The following ZNF644 variants were observed in gnomAD, a reference collection of about 807,000 sequenced individuals.
ZNF644 encodes the protein zinc finger motif enhancer binding protein 2.
A neutral mutation model predicts 108.0 loss-of-function variants in ZNF644; 20 were observed. That is an observed-to-expected ratio of 0.19 (90% CI 0.13 to 0.27). The LOEUF (loss-of-function observed/expected upper bound fraction) is 0.27, where lower values mean the gene tolerates loss of function less well. ZNF644 is among the 10% of genes least tolerant of loss of function. The probability of loss-of-function intolerance (pLI) is 1.00; values close to 1 mark genes in which losing one functional copy is unlikely to be tolerated. For synonymous variants in ZNF644, 542 were observed against 539.1 expected, an observed-to-expected ratio of 1.01 and a Z score of -0.08; for missense variants, 1,338 against 1,548.9, an observed-to-expected ratio of 0.86 and a Z score of 2.29.
chr1:90,984,224 T>A (rs1450132031), intron 1 of ZNF644, among the ~76,000 whole-genome samples: 1 of 152,104 alleles, frequency 6.6e-6, no homozygotes, highest in African/African-American at 2.4e-5. Flanking sequence ...CACAGGAAAT[T>A]AATACACTGA....
Position 90,939,705 on chromosome 1 carries a change from G to A in ZNF644, c.1649C>T (p.Ala550Val). ...LECHRGIAHG[A>V]VVKCPMVTSD... ...AGTGACCATAGGGCATTTTACCACT[G>A]CCCCATGTGCAATGCCTCGATGGCA... Residue 550 changes from alanine (A) to valine (V), a missense_variant, in exon 3 of 6, where the codon GCA becomes GTA. By Grantham distance (64) the Ala-to-Val change is moderately conservative. Coordinates refer to ENST00000337393, the MANE Select transcript of ZNF644 (RefSeq NM_201269.3). 1 of 1,613,960 alleles carries A rather than the reference G, an allele frequency of 6.2e-7. No homozygotes were observed. The highest frequency in any genetic ancestry group is 8.5e-7 in the Non-Finnish European group (1 of 1,179,934).
At chr1:91,017,610 G>A (rs972963506) in intron 1 of ZNF644, among the ~76,000 whole-genome samples, 4 of 152,140 alleles carry the variant, frequency 2.6e-5, no homozygotes, top group African/African-American at 4.8e-5. Context: ...GAAATTAAAA[G>A]AATAAAAATA....
At chr1:90,971,446 AG>A (rs1655468829) in intron 2 of ZNF644, among the ~76,000 whole-genome samples, 1 of 152,054 alleles carries the variant, frequency 6.6e-6, no homozygotes, top group Admixed American at 6.6e-5. Flanking sequence ...GGGGGGACAG[AG>A]TCTCACTATG....
At chr1:90,995,663 A>C (rs1658080240) in intron 1 of ZNF644, among the ~76,000 whole-genome samples, 1 of 152,220 alleles carries the variant, frequency 6.6e-6, no homozygotes, top group African/African-American at 2.4e-5. Flanking sequence ...ACATATCAAA[A>C]ACAACAATAC....
chr1:90,950,308 A>AGAGGAGGG (rs1557588325), intron 2 of ZNF644, among the ~76,000 whole-genome samples: 1 of 78,786 alleles, frequency 1.3e-5, no homozygotes, highest in Admixed American at 1.2e-4. Context: ...AGGGGAGGGG[A>AGAGGAGGG]CAAAAGAAAA....
intron 1 of ZNF644, among the ~76,000 whole-genome samples, chr1:91,009,501 T>C (rs1487405835): frequency 1.3e-5 from 2 of 152,186 alleles, no homozygotes; most frequent in African/African-American, 4.8e-5. Context: ...TATTCCCAAA[T>C]GTTCCTAAAT....
At chr1:90,931,649 C>A (rs1002508817) in intron 4 of ZNF644, among the ~76,000 whole-genome samples, 2 of 152,050 alleles carry the variant, frequency 1.3e-5, no homozygotes, top group Non-Finnish European at 2.9e-5. Flanking sequence ...TGAAATTATT[C>A]TTTTATGACA....
intron 4 of ZNF644, among the ~76,000 whole-genome samples, chr1:90,926,490 T>G (rs1650051541): frequency 6.6e-6 from 1 of 152,202 alleles, no homozygotes; most frequent in Non-Finnish European, 1.5e-5. Context: ...GCTTCAAGCT[T>G]CCTAAGAAAT....
rs1660987676 is a variant in ZNF644 at position 91,022,025 on chromosome 1, T to A, written c.-53A>T. ...CGTGTGCGTCAAACCGGGGCGACGT[T>A]GGGAGCACGCGGCGTCCCCGCGTCA... On this transcript the variant is annotated 5_prime_UTR_variant, in exon 1 of 6. Transcript: ENST00000337393. 1 of 398,660 alleles carries A rather than the reference T, an allele frequency of 2.5e-6. No individual in the cohort carries two copies. Among genetic ancestry groups the A allele is most frequent in the South Asian group, 1.3e-4 (1 of 7,864 alleles). The allele number at this position is 398,660 out of a possible 1,614,324, so 24.7% of individuals were successfully genotyped here.
chr1:90,975,417 T>C (rs1039040051), intron 2 of ZNF644, among the ~76,000 whole-genome samples: 1 of 149,914 alleles, frequency 6.7e-6, no homozygotes, highest in Non-Finnish European at 1.5e-5. Context: ...TAGAAGACCC[T>C]AAAAGTTTCA....
chr1:90,985,536 A>G (rs1188924960), intron 1 of ZNF644, among the ~76,000 whole-genome samples: 1 of 151,930 alleles, frequency 6.6e-6, no homozygotes, highest in Non-Finnish European at 1.5e-5. Flanking sequence ...TAGATTCTAC[A>G]TGTAAGTTAG....
chr1:90,974,718 T>C (rs931147163), intron 2 of ZNF644, among the ~76,000 whole-genome samples: 2 of 152,190 alleles, frequency 1.3e-5, no homozygotes, highest in Admixed American at 1.3e-4. Context: ...CCATACTAAC[T>C]AGTCATCCTG....
chr1:90,985,479 T>A (rs1657001296), intron 1 of ZNF644, among the ~76,000 whole-genome samples: 2 of 152,176 alleles, frequency 1.3e-5, no homozygotes, highest in South Asian at 4.1e-4. Flanking sequence ...CAACCCAGCC[T>A]CAGGTAAACA....
chr1:90,966,299 T>C (rs942626449), intron 2 of ZNF644, among the ~76,000 whole-genome samples: 1 of 152,168 alleles, frequency 6.6e-6, no homozygotes, highest in Non-Finnish European at 1.5e-5. Flanking sequence ...TACTAACACC[T>C]GATACATTAT....
At chr1:90,917,655 G>C (rs959654958) in intron 5 of ZNF644, among the ~76,000 whole-genome samples, 8 of 152,068 alleles carry the variant, frequency 5.3e-5, no homozygotes, top group African/African-American at 1.9e-4. Flanking sequence ...CCGCTACAAA[G>C]CCTGGCTAAT....
At chr1:90,958,358 T>G (rs575656221) in intron 2 of ZNF644, among the ~76,000 whole-genome samples, 2 of 152,028 alleles carry the variant, frequency 1.3e-5, no homozygotes, top group African/African-American at 4.8e-5. Flanking sequence ...ACATCTATGT[T>G]CATGGATTTC....
chr1:90,945,925 T>C (rs1022636501), intron 2 of ZNF644, among the ~76,000 whole-genome samples: 3 of 152,100 alleles, frequency 2.0e-5, no homozygotes, highest in African/African-American at 4.8e-5. Flanking sequence ...AGTTCATTAA[T>C]TGCTATATTA....
At chr1:90,949,877 C>A (rs763408466) in intron 2 of ZNF644, among the ~76,000 whole-genome samples, 15 of 152,060 alleles carry the variant, frequency 9.9e-5, no homozygotes, top group Non-Finnish European at 2.2e-4. Context: ...GCTAAATTTG[C>A]GTGTTTTTAG....
intron 1 of ZNF644, among the ~76,000 whole-genome samples, chr1:90,998,779 G>A (rs1038791554): frequency 2.6e-5 from 4 of 152,180 alleles, no homozygotes; most frequent in Non-Finnish European, 4.4e-5. Context: ...CAAACCCATT[G>A]CAAAGAAGCT....
Sources: gnomAD v4.1 joint callset for allele counts (sites outside exome capture counted in the v4.1 genomes callset) on GRCh38, gnomAD v4.1.1 for gene constraint, MANE v1.5 for transcripts, NCBI Gene and HGNC (gene_info 2026-07-23, HGNC 2026-07-21) for gene names.